Variants in DNAI2 observed in about 807,000 individuals in gnomAD.
DNAI2 encodes dynein axonemal intermediate chain 2.
A neutral mutation model predicts 74.7 loss-of-function variants in DNAI2; 63 were observed. The observed-to-expected ratio is 0.84, with a 90% CI of 0.69 to 1.04. The LOEUF (loss-of-function observed/expected upper bound fraction) is 1.04, where lower values mean the gene tolerates loss of function less well. DNAI2 is among the 50% of genes least tolerant of loss of function. DNAI2 has a pLI of 0.00. For synonymous variants in DNAI2, 289 were observed against 314.9 expected, an observed-to-expected ratio of 0.92 and a Z score of 0.87; for missense variants, 688 against 803.2, an observed-to-expected ratio of 0.86 and a Z score of 1.73.
At chr17:74,291,246 C>T (rs897260204) in intron 6 of DNAI2, 113 bp downstream of exon 6, 17 of 793,190 alleles carry the variant, frequency 2.1e-5, no homozygotes, top group Admixed American at 1.4e-4. Context: ...CTGCAACCTC[C>T]GCCTCCTGGG....
At chr17:74,286,498 G>T (rs187668900) in intron 3 of DNAI2, among the ~76,000 whole-genome samples, 1 of 151,990 alleles carries the variant, frequency 6.6e-6, no homozygotes, top group Admixed American at 6.6e-5. Context: ...TTGGGTCTCT[G>T]CAATCTCCAC....
intron 5 of DNAI2, 102 bp downstream of exon 5, chr17:74,289,838 C>T (rs911883993): frequency 1.1e-4 from 157 of 1,476,052 alleles, no homozygotes; most frequent in East Asian, 2.3e-4. Flanking sequence ...GACACTCACG[C>T]GGTTGGTGCC....
At chr17:74,307,294 TTGG>T (rs2053242874) in intron 9 of DNAI2, 2 of 456,296 alleles carry the variant, frequency 4.4e-6, no homozygotes, top group Non-Finnish European at 8.8e-6. Context: ...CTAGAGGGAC[TTGG>T]TGGACCTGTG....
rs1046730800 is a variant in DNAI2 at position 74,281,553 on chromosome 17, T to A, written c.-11-254T>A. ...GATTACAGTTGTCAGCTACCGCGCC[T>A]GGCCAAAATTTTTATTGCCCTCCTC... On this transcript the variant is annotated intron_variant, in intron 1 of 13. Coordinates refer to ENST00000311014, the MANE Select transcript of DNAI2 (RefSeq NM_023036.6). 1.0e-5 allele frequency: 6 copies of A among 586,948 alleles called. No homozygotes were observed. The East Asian group carries it at 1.7e-4, about 16-fold the overall frequency. 36.4% of individuals were successfully genotyped at this position (586,948 alleles called of 1,614,324 possible). A position where few individuals can be genotyped will look rare whatever the true frequency, so the allele number is the denominator to read the frequency against.
At position 74,314,356 on chromosome 17, in the gene DNAI2, T is replaced by C. The variant is rs2053706049; in HGVS notation, c.*55+85T>C. ...TGGGCTGGGAGCATCGGGCCCTGAC[T>C]CCCCAGCCCCTACAAATCACTAGCC... On this transcript the variant is annotated intron_variant, in intron 13 of 13. Coordinates refer to ENST00000311014, the MANE Select transcript of DNAI2 (RefSeq NM_023036.6). The C allele has an allele frequency of 3.3e-6, 5 of 1,532,558 alleles. No homozygotes were observed. The Admixed American group carries it at 6.8e-5, about 21-fold the overall frequency. 94.9% of individuals were successfully genotyped at this position (1,532,558 alleles called of 1,614,324 possible).
In DNAI2 at chr17:74,275,804, C is replaced by G. The variant is rs545227972; in HGVS notation, c.-12+1459C>G. ...ACTCAGGAGACTGAGGCACAAGAAT[C>G]GCTTGAACTTGGGAGGCAGAGGTTG... On this transcript the variant is annotated intron_variant, in intron 1 of 13. Coordinates refer to ENST00000311014, the MANE Select transcript of DNAI2 (RefSeq NM_023036.6). 3.3e-5 allele frequency among the ~76,000 whole-genome samples: 5 copies of G among 151,972 alleles called. No individual in the cohort carries two copies. In the South Asian group the frequency reaches 8.3e-4, roughly 25 times the overall value.
At chr17:74,290,925 A>G in intron 5 of DNAI2, 95 bp from the exon 6 acceptor site, 2 of 1,067,146 alleles carry the variant, frequency 1.9e-6, no homozygotes, top group East Asian at 2.4e-5. Context: ...CTCTGCCACC[A>G]TGCCCCCGCT....
At chr17:74,281,624 T>C (rs1415812072) in intron 1 of DNAI2, 183 bp from the exon 2 acceptor site, 2 of 626,674 alleles carry the variant, frequency 3.2e-6, no homozygotes, top group South Asian at 3.8e-5. Flanking sequence ...TAGCATATAG[T>C]CGGCACTCAG....
At chr17:74,309,514 G>A (rs1263320250) in intron 10 of DNAI2, 126 bp downstream of exon 10, 1 of 1,346,268 alleles carries the variant, frequency 7.4e-7, no homozygotes, top group Middle Eastern at 1.8e-4. Context: ...CCTCTGTGGG[G>A]GAGCCGTGTG....
In DNAI2 at chr17:74,281,881, G is replaced by A; in HGVS notation, c.64G>A (p.Asp22Asn). 1 of 1,614,162 alleles carries A rather than the reference G, an allele frequency of 6.2e-7. No homozygotes were observed. Among genetic ancestry groups the A allele is most frequent in the Non-Finnish European group, 8.5e-7 (1 of 1,180,044 alleles). ...GTTCGGGAAGCAGTGCAATTTCTCG[G>A]ACCGCCAGGCCGAGCTGAACATCGA... ...SEFGKQCNFS[D>N]RQAELNIDIM... Residue 22 changes from aspartate to asparagine, a missense_variant, in exon 2 of 14, where the codon GAC becomes AAC. Coordinates refer to ENST00000311014, the MANE Select transcript of DNAI2 (RefSeq NM_023036.6).
intron 1 of DNAI2, among the ~76,000 whole-genome samples, chr17:74,280,425 T>C (rs1006094483): frequency 1.1e-4 from 17 of 152,182 alleles, no homozygotes; most frequent in Non-Finnish European, 2.1e-4. Context: ...CCCAATTCCC[T>C]GCTGTGTCCC....
intron 9 of DNAI2, 97 bp downstream of exon 9, chr17:74,305,539 A>AC: frequency 9.1e-7 from 1 of 1,102,900 alleles, no homozygotes; most frequent in Non-Finnish European, 1.3e-6. Flanking sequence ...CTCCATATGT[A>AC]AAATGGAGAA....
rs371437628 is a variant in DNAI2 at position 74,305,175 on chromosome 17, G to A, written c.988-44G>A. The A allele has an allele frequency of 3.1e-6, 5 of 1,603,316 alleles. No homozygotes were observed. In the African/African-American group the frequency reaches 6.7e-5, roughly 21 times the overall value. ...GTCCATGCCCGCTAATCCCAGAATT[G>A]ATGGTTCGTGGAGTCTTCCCCTCCT... On this transcript the variant is annotated intron_variant, in intron 8 of 13. Coordinates refer to ENST00000311014, the MANE Select transcript of DNAI2 (RefSeq NM_023036.6).
Position 74,281,958 on chromosome 17 carries a change from G to A in DNAI2, c.141G>A (p.Val47=). 1 of 1,614,154 alleles carries A rather than the reference G, an allele frequency of 6.2e-7. No individual in the cohort carries two copies. The highest frequency in any genetic ancestry group is 8.5e-7 in the Non-Finnish European group (1 of 1,180,022). ...LAEQFVERNP[V]DTGIQCSISM... ...AGCAGTTCGTGGAGCGGAACCCAGT[G>A]GACACGGGCATCCAGTGCTCGATCA... The change falls in exon 2 of 14, where the codon GTG becomes GTA. Residue 47 remains valine, a synonymous_variant. Transcript: ENST00000311014.
chr17:74,301,316 G>A (rs1305419374), intron 8 of DNAI2, 148 bp downstream of exon 8: 2 of 1,206,694 alleles, frequency 1.7e-6, no homozygotes, highest in Non-Finnish European at 2.4e-6. Flanking sequence ...AGACGTGTGT[G>A]GCCTTTACAA....
intron 6 of DNAI2, among the ~76,000 whole-genome samples, chr17:74,291,532 C>T (rs1202008119): frequency 2.0e-5 from 3 of 152,224 alleles, no homozygotes; most frequent in Admixed American, 6.5e-5. Context: ...AGCCTGGGCT[C>T]GGCCACAGAA....
rs546901509 is a variant in DNAI2, at chr17:74,304,359, C to T, written c.988-860C>T. Among the ~76,000 whole-genome samples, 16 of 151,916 alleles carry T rather than the reference C, an allele frequency of 1.1e-4. No individual in the cohort carries two copies. The East Asian group carries it at 2.9e-3, about 28-fold the overall frequency. On this transcript the variant is annotated intron_variant, in intron 8 of 13. Coordinates refer to ENST00000311014, the MANE Select transcript of DNAI2 (RefSeq NM_023036.6). ...TGAGCCCGTTGACAAAGGCCCTCCC[C>T]TCAGTGTGCCCCTCCCCTACCTCAC...
At chr17:74,307,575 G>C (rs1051626527) in intron 9 of DNAI2, among the ~76,000 whole-genome samples, 1 of 152,014 alleles carries the variant, frequency 6.6e-6, no homozygotes, top group Admixed American at 6.6e-5. Flanking sequence ...AGGCCGAGGC[G>C]GGTGGATCAC....
chr17:74,304,185 T>A (rs867180068), intron 8 of DNAI2, among the ~76,000 whole-genome samples: 1 of 131,166 alleles, frequency 7.6e-6, no homozygotes, highest in African/African-American at 3.0e-5. Flanking sequence ...TTTTCTTTTT[T>A]CTTTTTTTTT....
Sources: gnomAD v4.1 joint callset for allele counts (sites outside exome capture counted in the v4.1 genomes callset) on GRCh38, gnomAD v4.1.1 for gene constraint, MANE v1.5 for transcripts, NCBI Gene and HGNC (gene_info 2026-07-23, HGNC 2026-07-21) for gene names.